RALGAPB: variants seen among roughly 807,000 people sequenced by gnomAD.
RALGAPB encodes the protein Ral GTPase activating protein non-catalytic subunit beta, also known as ral GTPase-activating protein subunit beta.
Under a neutral mutation model 161.1 loss-of-function variants are expected in RALGAPB, and 25 were observed. The observed-to-expected ratio is 0.16, with a 90% CI of 0.11 to 0.22. The LOEUF is 0.22. Ranked by LOEUF, RALGAPB falls within the 10% of genes least tolerant of loss-of-function variation. The pLI, the probability that RALGAPB is intolerant of heterozygous loss-of-function variation, is 1.00. For missense variants in RALGAPB, 1,391 were observed against 1,815.2 expected (o/e 0.77, Z 4.25); for synonymous variants, 629 against 626.1 (o/e 1.00, Z -0.07).
At chr20:38,513,380 T>C (rs2086027434) in intron 6 of RALGAPB, among the ~76,000 whole-genome samples, 1 of 151,032 alleles carries the variant, frequency 6.6e-6, no homozygotes, top group Non-Finnish European at 1.5e-5. Flanking sequence ...GGCACATGCC[T>C]GTAATCCCAG....
At position 38,535,217 on chromosome 20, in the gene RALGAPB, A is replaced by T; in HGVS notation, c.2379+10A>T. On this transcript the variant is annotated intron_variant, in intron 16 of 29. Coordinates refer to ENST00000262879, the MANE Select transcript of RALGAPB (RefSeq NM_020336.4). ...CTCTGGCCTTGCAAAGGTGAGGAAGACAGTCCTTTTATTTTAACCCAACAG... is the reference window on the plus strand; with the variant it reads ...CTCTGGCCTTGCAAAGGTGAGGAAGTCAGTCCTTTTATTTTAACCCAACAG... 6.2e-7 allele frequency: 1 copy of T among 1,613,910 alleles called. No homozygotes were observed. The highest frequency in any genetic ancestry group is 8.5e-7 in the Non-Finnish European group (1 of 1,179,880).
At chr20:38,512,521 G>A (rs2085991946) in intron 6 of RALGAPB, among the ~76,000 whole-genome samples, 1 of 152,232 alleles carries the variant, frequency 6.6e-6, no homozygotes, top group African/African-American at 2.4e-5. Flanking sequence ...ATGATGCCTA[G>A]TGCATGGTAG....
intron 12 of RALGAPB, 118 bp downstream of exon 12, chr20:38,525,636 C>T (rs931114422): frequency 1.1e-6 from 1 of 904,074 alleles, no homozygotes; most frequent in Non-Finnish European, 1.7e-6. Context: ...CAAGTTATTT[C>T]ATCAAGTTAT....
At chr20:38,492,462 G>T (rs1220956164) in intron 2 of RALGAPB, among the ~76,000 whole-genome samples, 1 of 151,894 alleles carries the variant, frequency 6.6e-6, no homozygotes, top group Non-Finnish European at 1.5e-5. Context: ...TGTAAAGTAA[G>T]AGTAAACAGT....
intron 16 of RALGAPB, among the ~76,000 whole-genome samples, chr20:38,538,659 G>A (rs896346199): frequency 6.6e-6 from 1 of 151,956 alleles, no homozygotes; most frequent in African/African-American, 2.4e-5. Context: ...ATAAGCACAT[G>A]AAAAAAATAC....
rs1217272293 is a variant in RALGAPB at position 38,575,136 on chromosome 20, G to A, written c.*169G>A. ...TAACCCATTTGATAGAAGACTTTGG[G>A]CTATCTAGTGAAATGGGCTCCCAGA... On this transcript the variant is annotated 3_prime_UTR_variant, in exon 30 of 30. Transcript: ENST00000262879. The A allele has an allele frequency of 1.6e-6, 1 of 613,820 alleles. No individual in the cohort carries two copies. Among genetic ancestry groups the A allele is most frequent in the Admixed American group, 3.1e-5 (1 of 32,126 alleles). 38.0% of individuals were successfully genotyped at this position (613,820 alleles called of 1,614,324 possible).
intron 13 of RALGAPB, among the ~76,000 whole-genome samples, chr20:38,529,482 A>G (rs1412955527): frequency 1.3e-5 from 2 of 151,774 alleles, no homozygotes; most frequent in Non-Finnish European, 2.9e-5. Context: ...ATGCCATTGC[A>G]CTGCAGCCTG....
intron 1 of RALGAPB, among the ~76,000 whole-genome samples, chr20:38,487,503 A>G (rs931311598): frequency 6.6e-6 from 1 of 152,200 alleles, no homozygotes; most frequent in Non-Finnish European, 1.5e-5. Flanking sequence ...CATAGATTCT[A>G]GAAGAAATGA....
At chr20:38,496,107 A>G (rs2085419718) in intron 3 of RALGAPB, among the ~76,000 whole-genome samples, 1 of 152,096 alleles carries the variant, frequency 6.6e-6, no homozygotes. Context: ...GACTAGATCC[A>G]CCTTTACTAG....
chr20:38,567,592 G>A (rs965447640), intron 26 of RALGAPB, among the ~76,000 whole-genome samples: 3 of 152,152 alleles, frequency 2.0e-5, no homozygotes, highest in Admixed American at 6.5e-5. Context: ...TCTTAAACAA[G>A]TCTGACCATA....
At chr20:38,484,771 C>T (rs772983144) in intron 1 of RALGAPB, among the ~76,000 whole-genome samples, 1 of 152,188 alleles carries the variant, frequency 6.6e-6, no homozygotes, top group African/African-American at 2.4e-5. Flanking sequence ...TCTCGGCTCA[C>T]AGCAACCTCT....
intron 2 of RALGAPB, among the ~76,000 whole-genome samples, chr20:38,491,867 C>CT (rs1252608240): frequency 6.6e-6 from 1 of 152,180 alleles, no homozygotes; most frequent in Non-Finnish European, 1.5e-5. Flanking sequence ...ATGGCTTGAT[C>CT]TTATTGAGCA....
At chr20:38,570,928 A>G in intron 28 of RALGAPB, 81 bp downstream of exon 28, 1 of 954,210 alleles carries the variant, frequency 1.0e-6, no homozygotes, top group Non-Finnish European at 1.6e-6. Flanking sequence ...GGAATTATGA[A>G]ACGAAAGAGT....
intron 10 of RALGAPB, 123 bp from the exon 11 acceptor site, chr20:38,524,655 C>A: frequency 5.5e-6 from 4 of 725,090 alleles, no homozygotes; most frequent in Non-Finnish European, 6.8e-6. Flanking sequence ...CAATAATGTC[C>A]TTTCTTTAAA....
At chr20:38,539,988 T>A (rs1216112331) in intron 17 of RALGAPB, 30 bp downstream of exon 17, 1 of 1,577,328 alleles carries the variant, frequency 6.3e-7, no homozygotes, top group Admixed American at 1.8e-5. Context: ...AACCATTAAG[T>A]AAAAACAAAA....
At chr20:38,495,027 A>G (rs1339352520) in intron 3 of RALGAPB, among the ~76,000 whole-genome samples, 1 of 152,240 alleles carries the variant, frequency 6.6e-6, no homozygotes, top group Non-Finnish European at 1.5e-5. Context: ...AGGGTACTCA[A>G]CTGAGAATTA....
rs139277858 is a variant in RALGAPB at position 38,556,434 on chromosome 20, A to G, written c.3373-1861A>G. Among the ~76,000 whole-genome samples the G allele has an allele frequency of 2.6e-3, 403 of 152,278 alleles. 1 individual carries two copies. The highest frequency in any genetic ancestry group is 9.2e-3 in the African/African-American group (384 of 41,572). Reference sequence around the variant, plus strand: ...AATGAGAAGACAGTTTGTAGGTAGTATGACTTCTAGTTTGACAACCGTAAG... The same window carrying G: ...AATGAGAAGACAGTTTGTAGGTAGTGTGACTTCTAGTTTGACAACCGTAAG... On this transcript the variant is annotated intron_variant, in intron 22 of 29. Coordinates refer to ENST00000262879, the MANE Select transcript of RALGAPB (RefSeq NM_020336.4).
At chr20:38,563,114 C>T (rs1601066031) in intron 24 of RALGAPB, among the ~76,000 whole-genome samples, 1 of 152,138 alleles carries the variant, frequency 6.6e-6, no homozygotes, top group South Asian at 2.1e-4. Context: ...CCCCTAATCC[C>T]AGTCCTGACA....
At chr20:38,545,479 C>A (rs184281232) in intron 18 of RALGAPB, among the ~76,000 whole-genome samples, 11 of 152,274 alleles carry the variant, frequency 7.2e-5, no homozygotes, top group African/African-American at 2.6e-4. Flanking sequence ...GTTCTAATAT[C>A]ATCTGGCCCT....
Sources: gnomAD v4.1 joint callset for allele counts (sites outside exome capture counted in the v4.1 genomes callset) on GRCh38, gnomAD v4.1.1 for gene constraint, MANE v1.5 for transcripts, NCBI Gene and HGNC (gene_info 2026-07-23, HGNC 2026-07-21) for gene names.